Variants in FANCC observed in about 807,000 individuals in gnomAD.
FANCC encodes Fanconi anemia group C protein.
In FANCC, 55 loss-of-function variants were observed where a neutral mutation model predicts 71.3. The ratio of observed to expected loss-of-function variants is 0.77; its 90% CI spans 0.62 to 0.97. The LOEUF is 0.97. FANCC is among the 50% of genes least tolerant of loss of function. The pLI, the probability that FANCC is intolerant of heterozygous loss-of-function variation, is 0.00. For synonymous variants in FANCC, 275 were observed against 244.9 expected, an observed-to-expected ratio of 1.12 and a Z score of -1.15; for missense variants, 678 against 670.9, an observed-to-expected ratio of 1.01 and a Z score of -0.12.
chr9:95,206,297 C>A (rs1281629782), intron 4 of FANCC, among the ~76,000 whole-genome samples: 1 of 152,070 alleles, frequency 6.6e-6, no homozygotes, highest in Non-Finnish European at 1.5e-5. Flanking sequence ...ACTGGCCTGC[C>A]TGAAATGTCT....
intron 1 of FANCC, among the ~76,000 whole-genome samples, chr9:95,301,149 A>G (rs990373480): frequency 1.3e-5 from 2 of 150,586 alleles, no homozygotes; most frequent in East Asian, 2.0e-4. Context: ...AAAAGTGGCT[A>G]AAGTCAGTAT....
chr9:95,239,205 C>T (rs1039327900), intron 4 of FANCC, among the ~76,000 whole-genome samples: 7 of 152,168 alleles, frequency 4.6e-5, no homozygotes, highest in Non-Finnish European at 7.3e-5. Flanking sequence ...TCTACGTCAG[C>T]GTCACACCTA....
intron 6 of FANCC, among the ~76,000 whole-genome samples, chr9:95,156,865 A>C (rs1022585434): frequency 6.6e-6 from 1 of 152,248 alleles, no homozygotes; most frequent in Non-Finnish European, 1.5e-5. Context: ...TAAAATAGGT[A>C]TCATAATACC....
At chr9:95,292,378 C>T in intron 1 of FANCC, 1 of 1,024,268 alleles carries the variant, frequency 9.8e-7, no homozygotes, top group Non-Finnish European at 1.2e-6. Context: ...GGGTCCACGG[C>T]TCTGGCGGCG....
chr9:95,254,646 G>A (rs1831549531), intron 1 of FANCC, among the ~76,000 whole-genome samples: 1 of 152,198 alleles, frequency 6.6e-6, no homozygotes, highest in Non-Finnish European at 1.5e-5. Context: ...GCACAAAACT[G>A]GGCGGCCATT....
rs2071072251 is a variant in FANCC, at chr9:95,101,551, A to AGAT, written c.*153_*155dup. The AGAT allele has an allele frequency of 4.8e-5, 42 of 876,384 alleles. No individual in the cohort carries two copies. In the South Asian group the frequency reaches 6.2e-4, roughly 13 times the overall value. The allele number at this position is 876,384 out of a possible 1,614,324, so 54.3% of individuals were successfully genotyped here. A position where few individuals can be genotyped will look rare whatever the true frequency, so the allele number is the denominator to read the frequency against. The stretch of plus-strand genomic sequence containing the variant: ...GACCTGGCTCTGCATTTTGTAAAAT[A>AGAT]GATACTAGCAGATTGTCCCAAGATG... On this transcript the variant is annotated 3_prime_UTR_variant, in exon 15 of 15. Transcript: ENST00000289081.
At chr9:95,245,837 C>T (rs1331042215) in intron 3 of FANCC, among the ~76,000 whole-genome samples, 3 of 150,060 alleles carry the variant, frequency 2.0e-5, no homozygotes, top group South Asian at 4.2e-4. Flanking sequence ...GCAGAGGTTG[C>T]GGTGAGCCGA....
At chr9:95,103,156 C>T (rs1317803328) in intron 14 of FANCC, among the ~76,000 whole-genome samples, 1 of 152,076 alleles carries the variant, frequency 6.6e-6, no homozygotes, top group Non-Finnish European at 1.5e-5. Context: ...GTCCCCCGCT[C>T]AGGGGCTGGC....
rs117989593 is a variant in FANCC at position 95,219,794 on chromosome 9, T to C, written c.345+20855A>G. 3.2e-3 allele frequency among the ~76,000 whole-genome samples: 483 copies of C among 152,270 alleles called. 9 individuals are homozygous for C. In the East Asian group the frequency reaches 0.044, roughly 14 times the overall value. ...GAAAACCTAGGCGTACCATTCAGGA[T>C]CTAGGCATGGACAAGGACTTCATGA... is the stretch of plus-strand genomic sequence containing the variant. On this transcript the variant is annotated intron_variant, in intron 4 of 14. Coordinates refer to ENST00000289081, the MANE Select transcript of FANCC (RefSeq NM_000136.3).
In FANCC at chr9:95,137,781, C is replaced by A. The variant is rs564112516; in HGVS notation, c.687-2279G>T. 1.0e-3 allele frequency among the ~76,000 whole-genome samples: 159 copies of A among 152,302 alleles called. 1 individual carries two copies. Among genetic ancestry groups the A allele is most frequent in the South Asian group, 1.9e-3 (9 of 4,824 alleles). ...GTGGAGGCAGGCAGGGGAGGAGGAG[C>A]AGCTGCAGATGGCAGGAGGCACAGA... On this transcript the variant is annotated intron_variant, in intron 7 of 14. Transcript: ENST00000289081.
At chr9:95,203,124 G>T (rs1382727029) in intron 4 of FANCC, among the ~76,000 whole-genome samples, 1 of 152,102 alleles carries the variant, frequency 6.6e-6, no homozygotes, top group Non-Finnish European at 1.5e-5. Context: ...CAGGCACAGT[G>T]GCTCATGCCA....
chr9:95,174,543 T>A (rs420089), intron 4 of FANCC, among the ~76,000 whole-genome samples: 137,215 of 151,240 alleles, frequency 0.91, 62,341 homozygotes, highest in Middle Eastern at 0.98. Flanking sequence ...ATATATATAT[T>A]TTTTTTCTTC....
intron 4 of FANCC, among the ~76,000 whole-genome samples, chr9:95,193,986 C>G (rs1827260902): frequency 1.3e-5 from 2 of 152,118 alleles, no homozygotes; most frequent in East Asian, 1.9e-4. Context: ...CTGAGTCCAC[C>G]CTGTTACTTC....
At chr9:95,245,281 A>G (rs1447390041) in intron 3 of FANCC, among the ~76,000 whole-genome samples, 1 of 152,116 alleles carries the variant, frequency 6.6e-6, no homozygotes, top group Admixed American at 6.5e-5. Context: ...TATGAAATCC[A>G]GTCTCGGGTC....
chr9:95,256,262 G>C (rs1360496159), intron 1 of FANCC, among the ~76,000 whole-genome samples: 1 of 152,178 alleles, frequency 6.6e-6, no homozygotes, highest in Non-Finnish European at 1.5e-5. Context: ...AAGTTGAAAT[G>C]AAGGAAAAAA....
At chr9:95,126,911 C>A in intron 8 of FANCC, 2 of 329,954 alleles carry the variant, frequency 6.1e-6, no homozygotes, top group South Asian at 3.0e-5. Context: ...TGCCGTGGAG[C>A]CTGCCTGTAC....
intron 3 of FANCC, among the ~76,000 whole-genome samples, chr9:95,244,760 G>A (rs1466812997): frequency 7.1e-6 from 1 of 140,744 alleles, no homozygotes; most frequent in Non-Finnish European, 1.5e-5. Context: ...ATGTGCAAGT[G>A]AAGCTGGCTA....
At chr9:95,295,620 T>C (rs960465774) in intron 1 of FANCC, among the ~76,000 whole-genome samples, 1 of 151,994 alleles carries the variant, frequency 6.6e-6, no homozygotes, top group African/African-American at 2.4e-5. Flanking sequence ...AATAAAAAAT[T>C]AGCCAGGCAG....
At position 95,244,289 on chromosome 9, in the gene FANCC, A is replaced by AGGCT. The variant is rs199611441; in HGVS notation, c.250+3139_250+3142dup. Reference sequence around the variant, plus strand: ...ATTCAGAGAACCATCACATTGAGTCAGGCTGACCTGCTTAAGTATCTCTTT... The same window carrying AGGCT: ...ATTCAGAGAACCATCACATTGAGTCAGGCTGGCTGACCTGCTTAAGTATCTCTTT... On this transcript the variant is annotated intron_variant, in intron 3 of 14. Transcript: ENST00000289081. 3.1e-3 allele frequency among the ~76,000 whole-genome samples: 478 copies of AGGCT among 152,352 alleles called. 9 individuals carry two copies. In the East Asian group the frequency reaches 0.043, roughly 14 times the overall value.
Sources: gnomAD v4.1 joint callset for allele counts (sites outside exome capture counted in the v4.1 genomes callset) on GRCh38, gnomAD v4.1.1 for gene constraint, MANE v1.5 for transcripts, NCBI Gene and HGNC (gene_info 2026-07-23, HGNC 2026-07-21) for gene names.